Variants in AP3D1 observed in about 807,000 individuals in gnomAD.
AP3D1 encodes the protein AP-3 complex subunit delta-1.
AP3D1 carries 51 observed loss-of-function variants against 147.6 expected under a neutral mutation model. That is an observed-to-expected ratio of 0.35 (90% CI 0.28 to 0.44). The LOEUF (loss-of-function observed/expected upper bound fraction) is 0.44, where lower values mean the gene tolerates loss of function less well. Ranked by LOEUF, AP3D1 falls within the 20% of genes least tolerant of loss-of-function variation. The pLI, the probability that AP3D1 is intolerant of heterozygous loss-of-function variation, is 1.00. For synonymous variants in AP3D1, 760 were observed against 663.0 expected, an observed-to-expected ratio of 1.15 and a Z score of -2.25; for missense variants, 1,421 against 1,624.2, an observed-to-expected ratio of 0.87 and a Z score of 2.15.
chr19:2,114,051 T>C, intron 22 of AP3D1, 74 bp downstream of exon 22: 1 of 1,495,492 alleles, frequency 6.7e-7, no homozygotes. Flanking sequence ...TCCCCTGAGC[T>C]CACCGCTGTC....
intron 31 of AP3D1, among the ~76,000 whole-genome samples, chr19:2,106,335 G>T (rs1434165107): frequency 6.6e-6 from 1 of 151,984 alleles, no homozygotes; most frequent in South Asian, 2.1e-4. Context: ...GATCACCCGG[G>T]GTCAGGAGTT....
At chr19:2,149,044 T>C (rs1201276091) in intron 1 of AP3D1, among the ~76,000 whole-genome samples, 1 of 152,148 alleles carries the variant, frequency 6.6e-6, no homozygotes, top group Non-Finnish European at 1.5e-5. Context: ...TTTGCTGCTC[T>C]CCAATCAGGA....
At chr19:2,117,584 G>A (rs1393628790) in intron 15 of AP3D1, among the ~76,000 whole-genome samples, 2 of 152,206 alleles carry the variant, frequency 1.3e-5, no homozygotes, top group Admixed American at 6.5e-5. Flanking sequence ...AACAGAGATG[G>A]GGGCACAACA....
At chr19:2,117,805 C>T (rs555203733) in intron 15 of AP3D1, among the ~76,000 whole-genome samples, 5 of 152,370 alleles carry the variant, frequency 3.3e-5, no homozygotes, top group Admixed American at 2.0e-4. Context: ...GGGGCCACGC[C>T]CCATGCAGCC....
chr19:2,142,001 CAT>C (rs1451499010), intron 1 of AP3D1, among the ~76,000 whole-genome samples: 15 of 149,216 alleles, frequency 1.0e-4, no homozygotes, highest in African/African-American at 2.0e-4. Context: ...CATTTATTTA[CAT>C]ATATGTTTAT....
chr19:2,156,904 C>T (rs1008625152), intron 1 of AP3D1, among the ~76,000 whole-genome samples: 3 of 138,962 alleles, frequency 2.2e-5, no homozygotes, highest in African/African-American at 7.8e-5. Context: ...ACCCACCCAT[C>T]CACCCACCCA....
Position 2,151,369 on chromosome 19 carries a change from C to A in AP3D1, c.-35G>T, listed in dbSNP as rs771984842. 13 of 1,454,024 alleles carry A rather than the reference C, an allele frequency of 8.9e-6. No homozygotes were observed. The African/African-American group carries it at 1.6e-4, about 18-fold the overall frequency. 90.1% of individuals were successfully genotyped at this position (1,454,024 alleles called of 1,614,324 possible). On this transcript the variant is annotated 5_prime_UTR_variant, in exon 1 of 32. Transcript: ENST00000643116. ...CCACGGGCTTTTGCCTCGGGAGGCC[C>A]GCGGCTGGGCGCCGTGAGGGGGCCC...
chr19:2,134,203 CAGGGG>C, intron 4 of AP3D1, among the ~76,000 whole-genome samples: 1 of 151,936 alleles, frequency 6.6e-6, no homozygotes, highest in Non-Finnish European at 1.5e-5. Context: ...CACTTGAGCC[CAGGGG>C]TTTGAGACCA....
chr19:2,141,989 T>C (rs1238936092), intron 1 of AP3D1, among the ~76,000 whole-genome samples: 1 of 149,936 alleles, frequency 6.7e-6, no homozygotes, highest in Non-Finnish European at 1.5e-5. Context: ...TACATATATA[T>C]ACATTTATTT....
chr19:2,149,276 T>G (rs1182895707), intron 1 of AP3D1, among the ~76,000 whole-genome samples: 1 of 152,204 alleles, frequency 6.6e-6, no homozygotes, highest in African/African-American at 2.4e-5. Flanking sequence ...CCGGGTGCAG[T>G]GGCTCACGCC....
At chr19:2,123,804 T>A in intron 10 of AP3D1, 26 bp downstream of exon 10, 1 of 1,557,708 alleles carries the variant, frequency 6.4e-7, no homozygotes. Flanking sequence ...TGGGACCCCA[T>A]GGGCCCCGCC....
At chr19:2,106,071 C>G (rs1040275929) in intron 31 of AP3D1, among the ~76,000 whole-genome samples, 1 of 151,804 alleles carries the variant, frequency 6.6e-6, no homozygotes, top group Non-Finnish European at 1.5e-5. Context: ...CCAGCCTGGG[C>G]GACAGAGCGA....
intron 31 of AP3D1, among the ~76,000 whole-genome samples, chr19:2,103,724 C>T (rs539461820): frequency 7.2e-5 from 11 of 152,128 alleles, no homozygotes; most frequent in Non-Finnish European, 1.3e-4. Flanking sequence ...ACCTGACCAC[C>T]CACGTCCTCC....
At chr19:2,153,594 C>T (rs1166332819), upstream of AP3D1, among the ~76,000 whole-genome samples, 2 of 150,676 alleles carry the variant, frequency 1.3e-5, no homozygotes, top group African/African-American at 4.9e-5. Flanking sequence ...GAGAATGGCT[C>T]CGCCCAGGGG....
intron 5 of AP3D1, among the ~76,000 whole-genome samples, chr19:2,132,105 G>T (rs2018966800): frequency 2.0e-5 from 3 of 152,098 alleles, no homozygotes; most frequent in Admixed American, 2.0e-4. Flanking sequence ...AAGCAGAGTG[G>T]CAAGGAGGAG....
chr19:2,108,870 A>G (rs2018184917), intron 30 of AP3D1, 104 bp from the exon 31 acceptor site: 1 of 1,377,682 alleles, frequency 7.3e-7, no homozygotes, highest in East Asian at 2.5e-5. Flanking sequence ...CCACAGCTTC[A>G]GGAGGCCTGT....
intron 31 of AP3D1, among the ~76,000 whole-genome samples, chr19:2,105,988 T>C (rs1466598284): frequency 6.6e-6 from 1 of 151,924 alleles, no homozygotes; most frequent in African/African-American, 2.4e-5. Flanking sequence ...TCCCAACTAC[T>C]CAGGAGGCTG....
intron 1 of AP3D1, among the ~76,000 whole-genome samples, chr19:2,144,933 A>G (rs2019318133): frequency 6.6e-6 from 1 of 151,962 alleles, no homozygotes; most frequent in South Asian, 2.1e-4. Flanking sequence ...AACAAAACAA[A>G]AACGCTTCTG....
At position 2,117,447 on chromosome 19, in the gene AP3D1, C is replaced by A. The variant is rs2018490056; in HGVS notation, c.1714-80G>T. The A allele has an allele frequency of 2.1e-6, 3 of 1,438,572 alleles. No homozygotes were observed. In the African/African-American group the frequency reaches 4.3e-5, roughly 21 times the overall value. 89.1% of individuals were successfully genotyped at this position (1,438,572 alleles called of 1,614,324 possible). A position where few individuals can be genotyped will look rare whatever the true frequency, so the allele number is the denominator to read the frequency against. ...CCTTCAGGGACACGGGGTGGCTCAGCCCCTGGCACAGTGACGTGTGGGCCC... is the reference window on the plus strand; with the variant it reads ...CCTTCAGGGACACGGGGTGGCTCAGACCCTGGCACAGTGACGTGTGGGCCC... On this transcript the variant is annotated intron_variant, in intron 15 of 31. Transcript: ENST00000643116.
Sources: gnomAD v4.1 joint callset for allele counts (sites outside exome capture counted in the v4.1 genomes callset) on GRCh38, gnomAD v4.1.1 for gene constraint, MANE v1.5 for transcripts, NCBI Gene and HGNC (gene_info 2026-07-23, HGNC 2026-07-21) for gene names.